TGM5: variants seen among roughly 807,000 people sequenced by gnomAD.
The protein encoded by TGM5 is transglutaminase 5.
Under a neutral mutation model 77.2 loss-of-function variants are expected in TGM5, and 69 were observed. That is an observed-to-expected ratio of 0.89 (90% confidence interval 0.74 to 1.09). The LOEUF (loss-of-function observed/expected upper bound fraction) is 1.09, where lower values mean the gene tolerates loss of function less well. Ranked by LOEUF, TGM5 falls within the 50% of genes least tolerant of loss-of-function variation. The probability of loss-of-function intolerance (pLI) is 0.00; values close to 1 mark genes in which losing one functional copy is unlikely to be tolerated. For synonymous variants in TGM5, 346 were observed against 351.8 expected, an observed-to-expected ratio of 0.98 and a Z score of 0.18; for missense variants, 842 against 896.5, an observed-to-expected ratio of 0.94 and a Z score of 0.78.
chr15:43,241,209 CAGACA>C, intron 6 of TGM5: 1 of 618,260 alleles, frequency 1.6e-6, no homozygotes, highest in Non-Finnish European at 2.9e-6. Context: ...GCTGACTGCT[CAGACA>C]AGCACTGCCT....
At chr15:43,235,389 C>A (rs1026225665) in intron 10 of TGM5, 80 bp downstream of exon 10, 21 of 1,593,562 alleles carry the variant, frequency 1.3e-5, no homozygotes, top group Non-Finnish European at 1.8e-5. Flanking sequence ...GGGGTCTGCC[C>A]CCAGAACCCT....
intron 6 of TGM5, among the ~76,000 whole-genome samples, chr15:43,248,072 G>A (rs1406695077): frequency 2.6e-5 from 4 of 152,132 alleles, no homozygotes; most frequent in Admixed American, 2.0e-4. Flanking sequence ...CATGAAATGA[G>A]GAATATAGTT....
At chr15:43,239,335 G>A (rs1317649026) in intron 7 of TGM5, 69 bp from the exon 8 acceptor site, 3 of 1,491,546 alleles carry the variant, frequency 2.0e-6, no homozygotes, top group African/African-American at 1.4e-5. Flanking sequence ...AGGGAGGGAT[G>A]AGCAAATGAA....
At chr15:43,245,911 T>C (rs1414372039) in intron 6 of TGM5, among the ~76,000 whole-genome samples, 10 of 107,540 alleles carry the variant, frequency 9.3e-5, no homozygotes, top group African/African-American at 3.1e-4. Flanking sequence ...GGGGGGGGGG[T>C]CTTAAATGGC....
intron 6 of TGM5, among the ~76,000 whole-genome samples, chr15:43,249,651 C>G (rs1033621473): frequency 6.6e-6 from 1 of 152,154 alleles, no homozygotes; most frequent in African/African-American, 2.4e-5. Flanking sequence ...CTGAGGGTTC[C>G]AATCTTGTCA....
intron 3 of TGM5, among the ~76,000 whole-genome samples, chr15:43,259,715 TACTC>T (rs1596451238): frequency 6.6e-6 from 1 of 152,200 alleles, no homozygotes; most frequent in East Asian, 1.9e-4. Context: ...ATTCCATAAA[TACTC>T]AGTGCAGTGC....
chr15:43,243,800 G>A (rs571745928), intron 6 of TGM5, among the ~76,000 whole-genome samples: 3 of 152,058 alleles, frequency 2.0e-5, no homozygotes, highest in African/African-American at 4.8e-5. Context: ...CAGCCTTCTC[G>A]GTCTTCCTTT....
In TGM5 at chr15:43,233,293, G is replaced by A; in HGVS notation, c.2061C>T (p.Val687=). The change falls in exon 13 of 13, where the codon GTC becomes GTT. Residue 687 remains valine (V), a synonymous_variant. Coordinates refer to ENST00000220420, the MANE Select transcript of TGM5 (RefSeq NM_201631.4). ...TCTGCCTTTGTCCACTCTTGAAGGGGACGGTCTCCAGAATGATGCTTGCTT... is the reference window on the plus strand; with the variant it reads ...TCTGCCTTTGTCCACTCTTGAAGGGAACGGTCTCCAGAATGATGCTTGCTT... ...QHQASIILET[V]PFKSGQRQIQ... is the part of the protein sequence containing the mutation. 1.2e-6 allele frequency: 2 copies of A among 1,614,138 alleles called. No individual in the cohort carries two copies. The highest frequency in any genetic ancestry group is 1.7e-6 in the Non-Finnish European group (2 of 1,180,042).
At chr15:43,233,454 C>T (rs1385934445) in intron 12 of TGM5, 100 bp downstream of exon 12, 3 of 1,611,716 alleles carry the variant, frequency 1.9e-6, no homozygotes, top group African/African-American at 2.7e-5. Flanking sequence ...TTTCCCTTCC[C>T]CGGTGTTGTG....
intron 1 of TGM5, among the ~76,000 whole-genome samples, chr15:43,263,885 A>T (rs2042807499): frequency 6.6e-6 from 1 of 152,232 alleles, no homozygotes; most frequent in South Asian, 2.1e-4. Context: ...AAGCCATAGA[A>T]TGTTAGGAAA....
intron 6 of TGM5, among the ~76,000 whole-genome samples, chr15:43,241,587 G>T (rs1200496079): frequency 6.6e-6 from 1 of 152,174 alleles, no homozygotes; most frequent in Non-Finnish European, 1.5e-5. Context: ...AAAGAAGGTA[G>T]AGTGTTGTCT....
intron 6 of TGM5, among the ~76,000 whole-genome samples, chr15:43,245,906 G>GC (rs1035137869): frequency 1.3e-5 from 2 of 148,460 alleles, no homozygotes; most frequent in African/African-American, 4.9e-5. Context: ...TGTTGGGGGG[G>GC]GGGGTCTTAA....
chr15:43,238,707 G>A, intron 9 of TGM5, 110 bp downstream of exon 9: 1 of 1,513,436 alleles, frequency 6.6e-7, no homozygotes, highest in South Asian at 1.2e-5. Flanking sequence ...CTGAACAGCT[G>A]AGGAGACAGT....
chr15:43,266,745 A>G, intron 1 of TGM5, 95 bp downstream of exon 1: 2 of 1,501,868 alleles, frequency 1.3e-6, no homozygotes, highest in Admixed American at 1.7e-5. Context: ...TTACTTCTTT[A>G]TTTCTCTGAA....
chr15:43,239,490 T>G, intron 7 of TGM5: 2 of 564,314 alleles, frequency 3.5e-6, no homozygotes, highest in Non-Finnish European at 6.3e-6. Flanking sequence ...AAGATTAACC[T>G]GGGCAAAAAA....
Position 43,233,627 on chromosome 15 carries a change from G to C in TGM5, c.1936C>G (p.Leu646Val), listed in dbSNP as rs758924191. ...LSIQVIFSNP[L>V]SEQVEDCVLT... is the part of the protein sequence containing the mutation. ...ACACAGTCCTCAACCTGCTCCGAGA[G>C]GGGGTTTGAAAATATCACCTGTATG... Residue 646 changes from leucine to valine, a missense_variant, in exon 12 of 13, where the codon CTC becomes GTC. Physicochemically the swap from Leu to Val is conservative, Grantham distance 32. Coordinates refer to ENST00000220420, the MANE Select transcript of TGM5 (RefSeq NM_201631.4). 6.2e-7 allele frequency: 1 copy of C among 1,614,214 alleles called. No homozygotes were observed.
chr15:43,246,208 T>C (rs1331107461), intron 6 of TGM5, among the ~76,000 whole-genome samples: 2 of 152,146 alleles, frequency 1.3e-5, no homozygotes, highest in African/African-American at 4.8e-5. Flanking sequence ...CTCAGTGTCT[T>C]CAAAAAAGTC....
In TGM5 at chr15:43,260,571, C is replaced by G; in HGVS notation, c.19G>C (p.Val7Leu). The G allele has an allele frequency of 6.2e-7, 1 of 1,614,140 alleles. No individual in the cohort carries two copies. The highest frequency in any genetic ancestry group is 8.5e-7 in the Non-Finnish European group (1 of 1,179,988). The change falls in exon 2 of 13, where the codon GTG (valine) becomes CTG (leucine). Residue 7 changes from valine to leucine, a missense_variant. Coordinates refer to ENST00000220420, the MANE Select transcript of TGM5 (RefSeq NM_201631.4). ...GAGCTCTGGAGGTCTGTGAGGGCCA[C>G]TTCTAGCCCTGCAATGGGGCAGCCA... MAQGLE[V>L]ALTDLQSSRN...
At chr15:43,238,736 G>A (rs570765429) in intron 9 of TGM5, 81 bp downstream of exon 9, 22 of 1,572,722 alleles carry the variant, frequency 1.4e-5, no homozygotes, top group South Asian at 1.0e-4. Context: ...GTCCTGCCTC[G>A]CAGATGCTCT....
Sources: gnomAD v4.1 joint callset for allele counts (sites outside exome capture counted in the v4.1 genomes callset) on GRCh38, gnomAD v4.1.1 for gene constraint, MANE v1.5 for transcripts, NCBI Gene and HGNC (gene_info 2026-07-23, HGNC 2026-07-21) for gene names.